DNAAF8: variants seen among roughly 807,000 people sequenced by gnomAD.
The protein encoded by DNAAF8 is dynein axonemal-associated protein 1.
DNAAF8 carries 61 observed loss-of-function variants against 54.6 expected under a neutral mutation model. The observed-to-expected ratio is 1.12, with a 90% CI of 0.91 to 1.38. DNAAF8 has a LOEUF of 1.38. DNAAF8 is among the 40% of genes most tolerant of loss of function. The pLI, the probability that DNAAF8 is intolerant of heterozygous loss-of-function variation, is 0.00. For synonymous variants in DNAAF8, 320 were observed against 270.1 expected, an observed-to-expected ratio of 1.18 and a Z score of -1.81; for missense variants, 837 against 665.0, an observed-to-expected ratio of 1.26 and a Z score of -2.85.
rs374948547 is a variant in DNAAF8, at chr16:4,745,049, T to C, written c.1043+38T>C. On this transcript the variant is annotated intron_variant, in intron 6 of 9. Transcript: ENST00000299320. Reference sequence around the variant, plus strand: ...GCCAGGCCCGGCTCCTGTGGTCCTTTAGAATGGCCCCATGGTTTTGTAGCA... The same window carrying C: ...GCCAGGCCCGGCTCCTGTGGTCCTTCAGAATGGCCCCATGGTTTTGTAGCA... The C allele has an allele frequency of 3.8e-6, 6 of 1,599,808 alleles. No individual in the cohort carries two copies. The African/African-American group carries it at 6.7e-5, about 18-fold the overall frequency.
chr16:4,737,837 G>A lies in DNAAF8; in HGVS notation c.167G>A (p.Arg56Gln), dbSNP rs767265532. The change falls in exon 3 of 10, where the codon CGA becomes CAA. Residue 56 changes from arginine (R) to glutamine (Q), a missense_variant. By Grantham distance (43) the Arg-to-Gln change is conservative. Transcript: ENST00000299320. ...YGEEELFIFQ[R>Q]NQTSLIPDLS... ...GAAGAGGAGCTGTTCATCTTCCAGC[G>A]AAACCAAACCTCCCTGATTCCAGAC... 14 of 1,614,032 alleles carry A rather than the reference G, an allele frequency of 8.7e-6. No individual in the cohort carries two copies. Among genetic ancestry groups the A allele is most frequent in the African/African-American group, 2.7e-5 (2 of 74,922 alleles).
At chr16:4,742,895 A>C in intron 4 of DNAAF8, 148 bp from the exon 5 acceptor site, 5 of 707,174 alleles carry the variant, frequency 7.1e-6, no homozygotes, top group East Asian at 2.8e-5. Flanking sequence ...GGGTCAGCCT[A>C]TTTGCAAACT....
At chr16:4,744,833 G>C in intron 5 of DNAAF8, 37 bp from the exon 6 acceptor site, 1 of 1,594,794 alleles carries the variant, frequency 6.3e-7, no homozygotes. Context: ...AGTGGGCCAA[G>C]TCCCCACTAA....
At chr16:4,739,526 A>G (rs1473319048) in intron 3 of DNAAF8, among the ~76,000 whole-genome samples, 3 of 150,328 alleles carry the variant, frequency 2.0e-5, no homozygotes, top group African/African-American at 7.3e-5. Context: ...TAGCCAGCCC[A>G]TATTCAACAG....
chr16:4,741,955 A>G (rs1423716978), intron 4 of DNAAF8, among the ~76,000 whole-genome samples: 1 of 152,216 alleles, frequency 6.6e-6, no homozygotes, highest in Non-Finnish European at 1.5e-5. Flanking sequence ...CAGGTTAGAG[A>G]AAACTGGCAC....
intron 5 of DNAAF8, chr16:4,743,372 G>T: frequency 6.5e-6 from 3 of 463,316 alleles, no homozygotes; most frequent in Non-Finnish European, 1.1e-5. Flanking sequence ...TGCCAGGCGT[G>T]GGCCAGGTCC....
chr16:4,744,219 C>T (rs1220659509), intron 5 of DNAAF8, among the ~76,000 whole-genome samples: 2 of 152,200 alleles, frequency 1.3e-5, no homozygotes, highest in African/African-American at 4.8e-5. Flanking sequence ...GCGTGAGCCA[C>T]CGCGCTTGGC....
At chr16:4,742,385 T>C (rs868388139) in intron 4 of DNAAF8, among the ~76,000 whole-genome samples, 1 of 151,684 alleles carries the variant, frequency 6.6e-6, no homozygotes, top group African/African-American at 2.4e-5. Context: ...TGAAACCCCA[T>C]CTCTACTAAA....
At position 4,746,440 on chromosome 16, in the gene DNAAF8, T is replaced by C. The variant is rs1284041591; in HGVS notation, c.1109T>C (p.Leu370Pro). ...CCGCAGCTGGCCCAGGGCATGAGGC[T>C]TAACGCAGAGTCCCCCACCATCTTT... The part of the protein sequence containing the change: ...PGPQLAQGMR[L>P]NAESPTIFID... Residue 370 changes from leucine to proline, a missense_variant, in exon 7 of 10, where the codon CTT becomes CCT. Leu to Pro is a moderately conservative substitution (Grantham distance 98, BLOSUM62 -3). Transcript: ENST00000299320. The C allele has an allele frequency of 1.2e-6, 2 of 1,613,576 alleles. No homozygotes were observed. Among genetic ancestry groups the C allele is most frequent in the South Asian group, 2.2e-5 (2 of 91,082 alleles).
chr16:4,741,165 C>T (rs1179667176), intron 4 of DNAAF8, among the ~76,000 whole-genome samples: 3 of 147,434 alleles, frequency 2.0e-5, no homozygotes, highest in Non-Finnish European at 4.5e-5. Flanking sequence ...ACCTGGGAGG[C>T]GGAGCTTGCA....
At chr16:4,746,688 G>C in intron 7 of DNAAF8, 176 bp downstream of exon 7, 1 of 923,522 alleles carries the variant, frequency 1.1e-6, no homozygotes, top group Non-Finnish European at 1.6e-6. Flanking sequence ...AGGGAGGGAA[G>C]AGGGGCATGA....
At chr16:4,742,767 G>A (rs1006919586) in intron 4 of DNAAF8, among the ~76,000 whole-genome samples, 1 of 152,050 alleles carries the variant, frequency 6.6e-6, no homozygotes, top group Non-Finnish European at 1.5e-5. Context: ...CTTCGGGTCA[G>A]ACAACGTCTT....
At chr16:4,743,253 C>G (rs138023940) in intron 5 of DNAAF8, 93 bp downstream of exon 5, 22,666 of 873,894 alleles carry the variant, frequency 0.026, 370 homozygotes, top group Non-Finnish European at 0.033. Flanking sequence ...TGGTCACAGA[C>G]AGTCCTGCAG....
rs906347329 is a variant in DNAAF8, at chr16:4,743,144, C to G, written c.885C>G (p.Asp295Glu). 5 of 1,605,108 alleles carry G rather than the reference C, an allele frequency of 3.1e-6. No individual in the cohort carries two copies. In the African/African-American group the frequency reaches 6.7e-5, roughly 22 times the overall value. The change falls in exon 5 of 10, where the codon GAC (aspartate) becomes GAG (glutamate). Residue 295 changes from aspartate (D) to glutamate (E), a missense_variant. Transcript: ENST00000299320. ...RAPGTVWWAA[D>E]HRQVQDRMVP... ...CTGGAACTGTGTGGTGGGCAGCTGA[C>G]CACCGCCAAGTTCAAGGTCTGACCT...
chr16:4,746,730 T>C (rs752497682), intron 7 of DNAAF8, 197 bp from the exon 8 acceptor site: 261 of 769,916 alleles, frequency 3.4e-4, no homozygotes, highest in African/African-American at 7.1e-5. Flanking sequence ...CTCTATGCAA[T>C]AGAGCCCAAC....
At chr16:4,747,704 G>A (rs1030364639) in intron 9 of DNAAF8, 70 bp downstream of exon 9, 3 of 1,467,356 alleles carry the variant, frequency 2.0e-6, no homozygotes, top group Admixed American at 2.4e-5. Context: ...GTGTCCCCTT[G>A]TTGTTCCTGC....
At chr16:4,740,997 G>C (rs958752185) in intron 4 of DNAAF8, among the ~76,000 whole-genome samples, 5 of 150,594 alleles carry the variant, frequency 3.3e-5, no homozygotes, top group African/African-American at 1.2e-4. Context: ...AACACAGTGA[G>C]ACCCTCATCT....
In DNAAF8 at chr16:4,734,599, C is replaced by T. The variant is rs189955136; in HGVS notation, c.-151C>T. On this transcript the variant is annotated 5_prime_UTR_variant, in exon 1 of 10. Coordinates refer to ENST00000299320, the MANE Select transcript of DNAAF8 (RefSeq NM_139170.3). ...CTGAAGAAGGGGACAGCCTCTGTAC[C>T]TGCGGCGCGGCCCGAGGGGCGGACG... 2.1e-3 allele frequency: 314 copies of T among 152,486 alleles called. No individual in the cohort carries two copies. Among genetic ancestry groups the T allele is most frequent in the Non-Finnish European group, 3.4e-3 (234 of 68,184 alleles). The allele number at this position is 152,486 out of a possible 1,614,324, so 9.4% of individuals were successfully genotyped here.
Position 4,740,557 on chromosome 16 carries a change from A to T in DNAAF8, c.681A>T (p.Lys227Asn). ...RDACGPTSSD[K>N]GGVKEAPCHA... ...CCTGCGGCCCGACCAGCAGTGACAAAGGTGGGGTGAAGGAGGCGCCCTGCC... is the reference window on the plus strand; with the variant it reads ...CCTGCGGCCCGACCAGCAGTGACAATGGTGGGGTGAAGGAGGCGCCCTGCC... Residue 227 changes from lysine (K) to asparagine (N), a missense_variant, in exon 4 of 10, where the codon AAA (lysine) becomes AAT (asparagine). Transcript: ENST00000299320. 3 of 1,613,974 alleles carry T rather than the reference A, an allele frequency of 1.9e-6. No individual in the cohort carries two copies. Among genetic ancestry groups the T allele is most frequent in the Non-Finnish European group, 2.5e-6 (3 of 1,180,016 alleles).
Sources: allele counts gnomAD v4.1 joint callset (sites outside exome capture counted in the v4.1 genomes callset), GRCh38; gene constraint gnomAD v4.1.1; transcripts MANE v1.5; gene names NCBI Gene and HGNC (gene_info 2026-07-23, HGNC 2026-07-21).